CTNNA2: variants seen among roughly 807,000 people sequenced by gnomAD.
The protein encoded by CTNNA2 is catenin alpha 2.
In CTNNA2, 42 loss-of-function variants were observed where a neutral mutation model predicts 101.0. The observed-to-expected ratio is 0.42, with a 90% CI of 0.32 to 0.54. The LOEUF is 0.54. CTNNA2 is among the 20% of genes least tolerant of loss of function. The pLI, the probability that CTNNA2 is intolerant of heterozygous loss-of-function variation, is 0.14. For synonymous variants in CTNNA2, 450 were observed against 456.4 expected (o/e 0.99, Z 0.18); for missense variants, 871 against 1,223.1 (o/e 0.71, Z 4.29).
intron 7 of CTNNA2, among the ~76,000 whole-genome samples, chr2:80,140,324 ATACTATACACTT>A (rs1702932667): frequency 6.6e-6 from 1 of 152,146 alleles, no homozygotes; most frequent in South Asian, 2.1e-4. Flanking sequence ...CACTGGCCAC[ATACTATACACTT>A]TGTTCACTGT....
chr2:79,755,271 C>T (rs1334967992), intron 3 of CTNNA2, among the ~76,000 whole-genome samples: 1 of 152,166 alleles, frequency 6.6e-6, no homozygotes, highest in Non-Finnish European at 1.5e-5. Context: ...TTTGAGGCTA[C>T]ATTGAGCTAT....
chr2:79,681,475 T>C (rs1444975609), intron 2 of CTNNA2, among the ~76,000 whole-genome samples: 1 of 152,118 alleles, frequency 6.6e-6, no homozygotes. Flanking sequence ...TCCTGTAATA[T>C]GGGAATGGTG....
intron 2 of CTNNA2, among the ~76,000 whole-genome samples, chr2:79,657,482 T>G (rs532359270): frequency 4.4e-4 from 67 of 151,984 alleles, no homozygotes; most frequent in Non-Finnish European, 5.6e-4. Flanking sequence ...GGATGTTTAG[T>G]TGAATATTAC....
chr2:79,792,631 T>C (rs79915315), intron 3 of CTNNA2, among the ~76,000 whole-genome samples: 2,931 of 152,210 alleles, frequency 0.019, 86 homozygotes, highest in African/African-American at 0.066. Context: ...ATTAAGCTTG[T>C]GAAGTTTGGA....
intron 7 of CTNNA2, among the ~76,000 whole-genome samples, chr2:79,943,604 T>TA (rs1688302465): frequency 6.6e-6 from 1 of 152,198 alleles, no homozygotes; most frequent in African/African-American, 2.4e-5. Flanking sequence ...ACTTGCCTTT[T>TA]AAAGTTTTCC....
Position 79,265,292 on chromosome 2 carries a change from A to G in CTNNA2, c.-405-47417A>G, listed in dbSNP as rs531713257. The stretch of plus-strand genomic sequence containing the variant: ...TGACTCCGGTGATTAGTGAAACATC[A>G]TACATTTCTACCCTTGAGCTGAACA... On this transcript the variant is annotated intron_variant, in intron 2 of 21. Coordinates refer to the CTNNA2 transcript ENST00000466387. Among the ~76,000 whole-genome samples the G allele has an allele frequency of 2.0e-5, 3 of 152,310 alleles. No homozygotes were observed. In the South Asian group the frequency reaches 6.2e-4, roughly 32 times the overall value.
rs150543686 is a variant in CTNNA2, at chr2:80,404,233, T to C, written c.1137+10942T>C. On this transcript the variant is annotated intron_variant, in intron 8 of 18. Coordinates refer to ENST00000402739, the MANE Select transcript of CTNNA2 (RefSeq NM_001282597.3). ...GATGGTTGTTTACATTTCTGTGGGG[T>C]CAGTGGTGATATCCCCTTTATTGTT... 2.2e-3 allele frequency among the ~76,000 whole-genome samples: 329 copies of C among 152,278 alleles called. 1 individual carries two copies. The highest frequency in any genetic ancestry group is 2.1e-3 in the Non-Finnish European group (144 of 68,018).
At chr2:80,491,341 A>C (rs1436205023) in intron 9 of CTNNA2, among the ~76,000 whole-genome samples, 1 of 152,240 alleles carries the variant, frequency 6.6e-6, no homozygotes, top group East Asian at 1.9e-4. Context: ...ACCTAACTCC[A>C]GCCCAAGGTG....
chr2:80,079,354 C>G, intron 7 of CTNNA2, among the ~76,000 whole-genome samples: 1 of 152,084 alleles, frequency 6.6e-6, no homozygotes. Context: ...GAAAGCTCAC[C>G]CAGGCAGTAG....
intron 7 of CTNNA2, among the ~76,000 whole-genome samples, chr2:79,968,752 T>G (rs1462894077): frequency 6.6e-6 from 1 of 152,168 alleles, no homozygotes; most frequent in African/African-American, 2.4e-5. Context: ...GTATGGTTAC[T>G]TGATATCTGT....
chr2:80,604,466 G>A (rs216662), intron 16 of CTNNA2, among the ~76,000 whole-genome samples: 1 of 151,532 alleles, frequency 6.6e-6, no homozygotes, highest in East Asian at 2.0e-4. Context: ...ATTGTCCCAG[G>A]CTTCCCCATT....
At chr2:80,371,780 C>T (rs780065526) in intron 7 of CTNNA2, among the ~76,000 whole-genome samples, 3 of 152,014 alleles carry the variant, frequency 2.0e-5, no homozygotes, top group Non-Finnish European at 4.4e-5. Context: ...GGAGAGCAAA[C>T]CTGAAGTCAA....
At chr2:79,740,075 G>A (rs80276534) in intron 2 of CTNNA2, among the ~76,000 whole-genome samples, 3 of 151,992 alleles carry the variant, frequency 2.0e-5, no homozygotes, top group Non-Finnish European at 4.4e-5. Flanking sequence ...GTAAACTTGC[G>A]TGAAGGGGGT....
chr2:80,403,281 T>C (rs1221980885), intron 8 of CTNNA2, among the ~76,000 whole-genome samples: 1 of 152,222 alleles, frequency 6.6e-6, no homozygotes, highest in Non-Finnish European at 1.5e-5. Flanking sequence ...TATGAAAATC[T>C]TTATTGCACC....
intron 3 of CTNNA2, among the ~76,000 whole-genome samples, chr2:79,794,246 G>C (rs113554327): frequency 2.0e-5 from 3 of 152,282 alleles, no homozygotes; most frequent in African/African-American, 7.2e-5. Context: ...GGGATTTATG[G>C]TATTTCATCA....
intron 15 of CTNNA2, among the ~76,000 whole-genome samples, chr2:80,600,108 C>T (rs903028569): frequency 6.6e-6 from 1 of 151,434 alleles, no homozygotes; most frequent in Non-Finnish European, 1.5e-5. Flanking sequence ...TAAAATTGTT[C>T]GGGAAAGGAT....
At chr2:79,647,929 TA>T (rs1361947605) in intron 1 of CTNNA2, among the ~76,000 whole-genome samples, 1 of 152,176 alleles carries the variant, frequency 6.6e-6, no homozygotes, top group Non-Finnish European at 1.5e-5. Flanking sequence ...ATGTGACTCT[TA>T]TGGCAGAAGG....
At chr2:79,403,945 C>T (rs375062182) in intron 4 of CTNNA2, among the ~76,000 whole-genome samples, 25 of 152,012 alleles carry the variant, frequency 1.6e-4, no homozygotes, top group African/African-American at 5.8e-4. Flanking sequence ...CAAACTGATA[C>T]GATACAAACA....
In CTNNA2 at chr2:80,302,259, C is replaced by A. The variant is rs746664106; in HGVS notation, c.1057-90952C>A. ...GAGAGCCACTGGGACAATCACACCT[C>A]GCATTCCCTCGCGGGCTGCTGGTGG... is the stretch of plus-strand genomic sequence containing the variant. On this transcript the variant is annotated intron_variant, in intron 7 of 18. Coordinates refer to ENST00000402739, the MANE Select transcript of CTNNA2 (RefSeq NM_001282597.3). This position sits in a 1 kb window ranked among gnomAD's most constrained non-coding sequence, Gnocchi z 6.4. 1.2e-6 allele frequency: 2 copies of A among 1,612,768 alleles called. No homozygotes were observed. The highest frequency in any genetic ancestry group is 1.7e-6 in the Non-Finnish European group (2 of 1,179,362).
Sources: gnomAD v4.1 joint callset for allele counts (sites outside exome capture counted in the v4.1 genomes callset) on GRCh38, gnomAD v4.1.1 for gene constraint, Gnocchi (gnomAD v3.1) non-coding constraint, MANE v1.5 for transcripts, NCBI Gene and HGNC (gene_info 2026-07-23, HGNC 2026-07-21) for gene names.